Variants in STX17 observed in about 807,000 individuals in gnomAD.
STX17 encodes the protein syntaxin-17.
STX17 carries 29 observed loss-of-function variants against 35.9 expected under a neutral mutation model. The ratio of observed to expected loss-of-function variants is 0.81; its 90% CI spans 0.60 to 1.10. STX17 has a LOEUF of 1.10. Ranked by LOEUF, STX17 falls within the 50% of genes least tolerant of loss-of-function variation. STX17 has a pLI of 0.00. For synonymous variants in STX17, 92 were observed against 118.3 expected, an observed-to-expected ratio of 0.78 and a Z score of 1.44; for missense variants, 312 against 352.3, an observed-to-expected ratio of 0.89 and a Z score of 0.92.
At chr9:99,964,391 C>A (rs1383823671) in intron 6 of STX17, among the ~76,000 whole-genome samples, 1 of 152,046 alleles carries the variant, frequency 6.6e-6, no homozygotes, top group Non-Finnish European at 1.5e-5. Flanking sequence ...TAGACATATT[C>A]TTAGAGTCAT....
intron 3 of STX17, among the ~76,000 whole-genome samples, chr9:99,944,514 G>A (rs955357199): frequency 1.5e-5 from 2 of 131,050 alleles, no homozygotes; most frequent in Admixed American, 7.7e-5. Flanking sequence ...TCAGGTCAAA[G>A]CATTTTTTTT....
intron 1 of STX17, among the ~76,000 whole-genome samples, chr9:99,910,194 C>A (rs781105972): frequency 2.6e-5 from 4 of 151,262 alleles, no homozygotes; most frequent in Non-Finnish European, 5.9e-5. Context: ...GATCGCACCA[C>A]TTCACTCCAG....
At chr9:99,935,158 G>A (rs559389957) in intron 3 of STX17, among the ~76,000 whole-genome samples, 17 of 151,762 alleles carry the variant, frequency 1.1e-4, no homozygotes, top group African/African-American at 2.9e-4. Flanking sequence ...GTGAAACCCC[G>A]TCTCTACTAA....
chr9:99,967,479 TTA>T, intron 6 of STX17, 172 bp from the exon 7 acceptor site: 1 of 387,278 alleles, frequency 2.6e-6, no homozygotes, highest in Non-Finnish European at 4.7e-6. Flanking sequence ...CCCCTTTTTT[TTA>T]TGAAAGTTAA....
chr9:99,913,604 A>T (rs914455966), intron 1 of STX17, among the ~76,000 whole-genome samples: 2 of 152,156 alleles, frequency 1.3e-5, no homozygotes, highest in Admixed American at 1.3e-4. Flanking sequence ...GTTTCTTTTT[A>T]AAATTATTTT....
chr9:99,937,210 C>A (rs1226416948), intron 3 of STX17, among the ~76,000 whole-genome samples: 2 of 152,082 alleles, frequency 1.3e-5, no homozygotes, highest in Non-Finnish European at 2.9e-5. Context: ...GTTTTGGGCA[C>A]TTTGATTATG....
At chr9:99,940,563 C>T (rs1379546502) in intron 3 of STX17, among the ~76,000 whole-genome samples, 1 of 149,684 alleles carries the variant, frequency 6.7e-6, no homozygotes, top group Non-Finnish European at 1.5e-5. Context: ...ACTGCAACCT[C>T]CACCCCCCGG....
intron 3 of STX17, among the ~76,000 whole-genome samples, chr9:99,934,580 A>G (rs1829188305): frequency 6.6e-6 from 1 of 152,172 alleles, no homozygotes; most frequent in Non-Finnish European, 1.5e-5. Context: ...TTAAATAGCT[A>G]TGACTCTGGA....
At chr9:99,926,711 GA>G (rs1366995119) in intron 2 of STX17, among the ~76,000 whole-genome samples, 1 of 152,080 alleles carries the variant, frequency 6.6e-6, no homozygotes, top group African/African-American at 2.4e-5. Context: ...TATTAGCCAG[GA>G]TGGTCTTGAT....
intron 3 of STX17, among the ~76,000 whole-genome samples, chr9:99,946,768 A>T (rs1049017744): frequency 2.0e-5 from 3 of 152,128 alleles, no homozygotes; most frequent in Admixed American, 2.0e-4. Flanking sequence ...CTTTAGGTTG[A>T]TAGTAATTTG....
In STX17 at chr9:99,972,080, C is replaced by A. The variant is rs1339227439; in HGVS notation, c.*3407C>A. On this transcript the variant is annotated 3_prime_UTR_variant, in exon 8 of 8. Coordinates refer to ENST00000259400, the MANE Select transcript of STX17 (RefSeq NM_017919.3). ...CATTCATTTGCATCTTTTTAAAAAA[C>A]TTCTGATTCCTTACTGAGTGTCCAG... Among the ~76,000 whole-genome samples the A allele has an allele frequency of 6.6e-6, 1 of 152,202 alleles. No homozygotes were observed. Among genetic ancestry groups the A allele is most frequent in the Non-Finnish European group, 1.5e-5 (1 of 68,024 alleles).
Position 99,968,610 on chromosome 9 carries a change from G to A in STX17, c.846G>A (p.Met282Ile). The change falls in exon 8 of 8, where the codon ATG becomes ATA. Residue 282 changes from methionine to isoleucine, a missense_variant. Met to Ile is a conservative substitution (Grantham distance 10). Transcript: ENST00000259400. ...TGATACAAAGAAAGAAACAGAAAAT[G>A]ATGGAGAAGCTCACTTCCAGCTGTC... ...GKLIQRKKQK[M>I]MEKLTSSCPD... 6.2e-7 allele frequency: 1 copy of A among 1,613,910 alleles called. No individual in the cohort carries two copies. Among genetic ancestry groups the A allele is most frequent in the Non-Finnish European group, 8.5e-7 (1 of 1,179,922 alleles).
At chr9:99,957,280 C>T (rs973365584) in intron 4 of STX17, among the ~76,000 whole-genome samples, 3 of 152,172 alleles carry the variant, frequency 2.0e-5, no homozygotes, top group African/African-American at 4.8e-5. Context: ...GATCAGATGC[C>T]ACCCACAGCT....
chr9:99,908,211 C>G (rs115299219), intron 1 of STX17, among the ~76,000 whole-genome samples: 190 of 152,188 alleles, frequency 1.2e-3, no homozygotes, highest in African/African-American at 4.4e-3. Context: ...TGCTGGGATT[C>G]TCCAATGTAA....
intron 1 of STX17, among the ~76,000 whole-genome samples, chr9:99,911,372 A>G (rs915252694): frequency 3.3e-5 from 5 of 151,958 alleles, no homozygotes; most frequent in Non-Finnish European, 4.4e-5. Context: ...TTCATTGTGT[A>G]TATACACCAC....
intron 3 of STX17, among the ~76,000 whole-genome samples, chr9:99,945,125 G>A (rs1390421483): frequency 6.6e-6 from 1 of 152,012 alleles, no homozygotes; most frequent in Non-Finnish European, 1.5e-5. Context: ...TCTAGTTTGT[G>A]TTAAACTTAT....
intron 4 of STX17, among the ~76,000 whole-genome samples, chr9:99,952,774 G>A (rs981421440): frequency 1.5e-4 from 22 of 151,026 alleles, no homozygotes; most frequent in South Asian, 4.2e-4. Flanking sequence ...GTAAACTATC[G>A]CAAGGACAAA....
At chr9:99,922,036 C>T (rs1313963982) in intron 2 of STX17, among the ~76,000 whole-genome samples, 1 of 152,140 alleles carries the variant, frequency 6.6e-6, no homozygotes, top group Non-Finnish European at 1.5e-5. Flanking sequence ...TGTCACCTTT[C>T]AGACACTGTT....
At chr9:99,926,076 A>G (rs1828979586) in intron 2 of STX17, among the ~76,000 whole-genome samples, 1 of 151,734 alleles carries the variant, frequency 6.6e-6, no homozygotes, top group African/African-American at 2.4e-5. Context: ...AGGTTTACTA[A>G]TCTTTTCTTC....
Sources: gnomAD v4.1 joint callset for allele counts (sites outside exome capture counted in the v4.1 genomes callset) on GRCh38, gnomAD v4.1.1 for gene constraint, MANE v1.5 for transcripts, NCBI Gene and HGNC (gene_info 2026-07-23, HGNC 2026-07-21) for gene names.